NBAS: variants seen among roughly 807,000 people sequenced by gnomAD.
The protein encoded by NBAS is NBAS subunit of NRZ tethering complex.
NBAS carries 219 observed loss-of-function variants against 302.5 expected under a neutral mutation model. The ratio of observed to expected loss-of-function variants is 0.72; its 90% CI spans 0.65 to 0.81. The LOEUF is 0.81. NBAS is among the 30% of genes least tolerant of loss of function. NBAS has a pLI of 0.00. For synonymous variants in NBAS, 1,118 were observed against 1,021.6 expected, an observed-to-expected ratio of 1.09 and a Z score of -1.80; for missense variants, 2,932 against 2,841.6, an observed-to-expected ratio of 1.03 and a Z score of -0.72.
At chr2:15,064,477 T>C in the NBAS span, among the ~76,000 whole-genome samples, 13 of 151,986 alleles carry the variant, frequency 8.6e-5, no homozygotes, top group Middle Eastern at 3.4e-3. Context: ...AAGAAATAAA[T>C]TGACCAAAGT....
chr2:15,318,441 C>T, intron 38 of NBAS, among the ~76,000 whole-genome samples: 1 of 152,138 alleles, frequency 6.6e-6, no homozygotes, highest in East Asian at 1.9e-4. Flanking sequence ...AATTAAAAGA[C>T]ACAGACTGGC....
At chr2:14,965,744 T>C in the NBAS span, among the ~76,000 whole-genome samples, 1 of 150,704 alleles carries the variant, frequency 6.6e-6, no homozygotes, top group South Asian at 2.1e-4. Flanking sequence ...ATGAAAAACA[T>C]CTCTTATGAA....
chr2:14,993,966 G>A, the NBAS span, among the ~76,000 whole-genome samples: 2 of 152,170 alleles, frequency 1.3e-5, no homozygotes, highest in South Asian at 4.1e-4. Flanking sequence ...AAGAGATAAA[G>A]TCAGATAGAG....
At chr2:15,383,590 A>G (rs1030857951) in intron 28 of NBAS, among the ~76,000 whole-genome samples, 7 of 152,220 alleles carry the variant, frequency 4.6e-5, no homozygotes, top group African/African-American at 1.4e-4. Flanking sequence ...CTGGAATGGA[A>G]TTGAATGGTA....
the NBAS span, among the ~76,000 whole-genome samples, chr2:15,150,527 A>G: frequency 6.6e-6 from 1 of 152,182 alleles, no homozygotes; most frequent in Non-Finnish European, 1.5e-5. Context: ...TGTAAATCCA[A>G]TGTTAAATTT....
the NBAS span, among the ~76,000 whole-genome samples, chr2:14,976,058 A>C: frequency 3.0e-3 from 451 of 152,320 alleles, 1 homozygote; most frequent in African/African-American, 0.011. Flanking sequence ...CTACACTATG[A>C]TCCTTGAAAG....
chr2:15,304,503 G>GC (rs1670943618), intron 40 of NBAS, among the ~76,000 whole-genome samples: 1 of 152,220 alleles, frequency 6.6e-6, no homozygotes, highest in Non-Finnish European at 1.5e-5. Context: ...TTGGAACTAG[G>GC]CCATGGGCAG....
chr2:15,435,209 G>A (rs2148499472), intron 21 of NBAS, among the ~76,000 whole-genome samples: 1 of 152,272 alleles, frequency 6.6e-6, no homozygotes, highest in South Asian at 2.1e-4. Context: ...GATTAGAGAG[G>A]AAAGAATACT....
intron 24 of NBAS, among the ~76,000 whole-genome samples, chr2:15,416,982 T>C (rs191373567): frequency 4.6e-4 from 70 of 152,198 alleles, no homozygotes; most frequent in Non-Finnish European, 7.5e-4. Context: ...AGAAAGAGCG[T>C]TGGCAGCTAC....
intron 9 of NBAS, among the ~76,000 whole-genome samples, chr2:15,519,500 C>T (rs909587086): frequency 1.6e-4 from 24 of 151,506 alleles, no homozygotes; most frequent in African/African-American, 5.3e-4. Context: ...GCAATGGTGG[C>T]GCAGTCACAG....
intron 21 of NBAS, among the ~76,000 whole-genome samples, chr2:15,443,523 A>T (rs1357059810): frequency 6.6e-6 from 1 of 151,580 alleles, no homozygotes; most frequent in Non-Finnish European, 1.5e-5. Flanking sequence ...AGAGCTATCT[A>T]TGACAAACCC....
At chr2:15,055,715 G>C in the NBAS span, among the ~76,000 whole-genome samples, 1 of 152,194 alleles carries the variant, frequency 6.6e-6, no homozygotes, top group Non-Finnish European at 1.5e-5. Context: ...TACACATAGG[G>C]AGAGGAACAA....
chr2:15,167,373 C>A lies in NBAS; in HGVS notation c.6841-50G>T, dbSNP rs201149710. 1.9e-6 allele frequency: 3 copies of A among 1,605,470 alleles called. No homozygotes were observed. In the African/African-American group the frequency reaches 4.0e-5, roughly 21 times the overall value. On this transcript the variant is annotated intron_variant, in intron 51 of 51. Transcript: ENST00000281513. ...CGTGAGGGGGTGTTTGCTTTGTTCG[C>A]CTCCCCCTTGGATCCCTCGCTCTCC...
At chr2:15,219,297 C>T (rs973634715) in intron 47 of NBAS, among the ~76,000 whole-genome samples, 4 of 139,780 alleles carry the variant, frequency 2.9e-5, no homozygotes, top group Non-Finnish European at 6.1e-5. Flanking sequence ...AGGCTGCATT[C>T]TAGTAATTTT....
At chr2:14,783,089 A>G in the NBAS span, among the ~76,000 whole-genome samples, 4 of 152,200 alleles carry the variant, frequency 2.6e-5, no homozygotes, top group South Asian at 8.3e-4. Flanking sequence ...AAACCTGCAC[A>G]TGTACCCCTG....
At chr2:15,552,307 A>G (rs1573006481) in intron 5 of NBAS, among the ~76,000 whole-genome samples, 1 of 152,224 alleles carries the variant, frequency 6.6e-6, no homozygotes, top group South Asian at 2.1e-4. Context: ...CCAATGAAAT[A>G]TTATGGAATT....
chr2:14,870,363 A>T, the NBAS span, among the ~76,000 whole-genome samples: 1 of 152,222 alleles, frequency 6.6e-6, no homozygotes, highest in Non-Finnish European at 1.5e-5. Context: ...CATGGGTTTG[A>T]AGAAACTACC....
the NBAS span, among the ~76,000 whole-genome samples, chr2:15,127,321 T>G: frequency 6.6e-6 from 1 of 152,188 alleles, no homozygotes; most frequent in African/African-American, 2.4e-5. Context: ...ATAATAATTT[T>G]CCACCCCAAA....
chr2:15,554,206 C>T (rs1664533414), intron 3 of NBAS, 68 bp from the exon 4 acceptor site: 5 of 1,226,668 alleles, frequency 4.1e-6, no homozygotes, highest in Non-Finnish European at 5.9e-6. Flanking sequence ...AGACAAATAG[C>T]ACATATACTT....
Sources: gnomAD v4.1 joint callset for allele counts (sites outside exome capture counted in the v4.1 genomes callset) on GRCh38, gnomAD v4.1.1 for gene constraint, MANE v1.5 for transcripts, NCBI Gene and HGNC (gene_info 2026-07-23, HGNC 2026-07-21) for gene names.